The following XKR3 variants were observed in gnomAD, a reference collection of about 807,000 sequenced individuals.
XKR3 encodes XK-related protein 3.
XKR3 carries 27 observed loss-of-function variants against 40.3 expected under a neutral mutation model. The observed-to-expected ratio is 0.67, with a 90% CI of 0.49 to 0.92. The LOEUF (loss-of-function observed/expected upper bound fraction) is 0.92. Among genes scored for constraint, XKR3 ranks in the 40% least tolerant of loss-of-function variants. The pLI is 0.00. For synonymous variants in XKR3, 193 were observed against 195.4 expected, an observed-to-expected ratio of 0.99 and a Z score of 0.10; for missense variants, 472 against 537.6, an observed-to-expected ratio of 0.88 and a Z score of 1.21.
At chr22:16,787,120 T>A (rs2146139689) in intron 3 of XKR3, among the ~76,000 whole-genome samples, 1 of 151,360 alleles carries the variant, frequency 6.6e-6, no homozygotes, top group East Asian at 2.0e-4. Context: ...AAAATACAGT[T>A]GAGAGTATTG....
intron 2 of XKR3, among the ~76,000 whole-genome samples, chr22:16,806,740 C>T (rs2060191460): frequency 6.6e-6 from 1 of 152,060 alleles, no homozygotes; most frequent in African/African-American, 2.4e-5. Flanking sequence ...ACCCAACCTA[C>T]AGTTAAGTTT....
rs562782176 is a variant in XKR3, at chr22:16,802,571, C to A, written c.336-2547G>T. Among the ~76,000 whole-genome samples, 7 of 152,038 alleles carry A rather than the reference C, an allele frequency of 4.6e-5. No individual in the cohort carries two copies. The South Asian group carries it at 1.0e-3, about 23-fold the overall frequency. On this transcript the variant is annotated intron_variant, in intron 2 of 3. Transcript: ENST00000684488. The stretch of plus-strand genomic sequence containing the variant: ...GTGGCGTGATATTGGCTCACTGCAA[C>A]CTCTCCTTCCCAGGTTCATGTGATT...
At chr22:16,799,371 G>A (rs1245294926) in intron 3 of XKR3, among the ~76,000 whole-genome samples, 1 of 116,476 alleles carries the variant, frequency 8.6e-6, no homozygotes, top group Non-Finnish European at 1.7e-5. Flanking sequence ...CCGAGATCGG[G>A]CCACTGAACT....
At chr22:16,821,873 G>C (rs12484164) in intron 1 of XKR3, among the ~76,000 whole-genome samples, 29,763 of 151,978 alleles carry the variant, frequency 0.2, 3,601 homozygotes, top group Middle Eastern at 0.3. Context: ...CTATGCTATA[G>C]CTGTTACATG....
chr22:16,800,544 T>C (rs1405262823), intron 2 of XKR3, among the ~76,000 whole-genome samples: 4 of 152,182 alleles, frequency 2.6e-5, no homozygotes, highest in African/African-American at 9.7e-5. Flanking sequence ...TTTTCTCTAG[T>C]GATGAAATTT....
intron 1 of XKR3, among the ~76,000 whole-genome samples, chr22:16,808,869 T>G (rs1035477809): frequency 1.3e-5 from 2 of 152,186 alleles, no homozygotes; most frequent in Non-Finnish European, 2.9e-5. Flanking sequence ...TTAAATCAAG[T>G]AAATATTAAA....
intron 3 of XKR3, among the ~76,000 whole-genome samples, chr22:16,791,686 A>T (rs1370185802): frequency 2.0e-5 from 3 of 150,722 alleles, no homozygotes; most frequent in Non-Finnish European, 4.4e-5. Context: ...TAAAAAAAAA[A>T]TAGAGAAAGA....
intron 1 of XKR3, among the ~76,000 whole-genome samples, chr22:16,815,421 T>G (rs2060229078): frequency 6.6e-6 from 1 of 152,052 alleles, no homozygotes; most frequent in African/African-American, 2.4e-5. Context: ...TCTTCTACAA[T>G]CTTTCTCTAG....
intron 1 of XKR3, among the ~76,000 whole-genome samples, chr22:16,823,797 T>A (rs1484247031): frequency 3.4e-5 from 3 of 88,050 alleles, no homozygotes; most frequent in Non-Finnish European, 7.8e-5. Flanking sequence ...GGTACTCAAG[T>A]ACTAAAAGGT....
chr22:16,825,010 T>G (rs1384394794), intron 1 of XKR3, among the ~76,000 whole-genome samples: 1 of 152,244 alleles, frequency 6.6e-6, no homozygotes, highest in African/African-American at 2.4e-5. Flanking sequence ...TCTGCCCCTT[T>G]GAGATTTCAC....
chr22:16,824,884 A>C (rs1329538114), intron 1 of XKR3, among the ~76,000 whole-genome samples: 2 of 152,200 alleles, frequency 1.3e-5, no homozygotes. Context: ...AGAAAGTGAA[A>C]GTGAAGTCAC....
Position 16,784,177 on chromosome 22 carries a change from T to C in XKR3, c.822A>G (p.Val274=). Residue 274 remains valine (V), a synonymous_variant, in exon 4 of 4, where the codon GTA becomes GTG. Transcript: ENST00000684488. ...SLPVLLIIYF[V]SLLAPWLEFW... ...ACTCCAGCCACGGTGCCAACAATGA[T>C]ACAAAATATATGATTAACAAAACGG... The C allele has an allele frequency of 6.2e-7, 1 of 1,614,178 alleles. No individual in the cohort carries two copies. Among genetic ancestry groups the C allele is most frequent in the Non-Finnish European group, 8.5e-7 (1 of 1,180,046 alleles).
At chr22:16,789,448 T>G in intron 3 of XKR3, among the ~76,000 whole-genome samples, 1 of 152,096 alleles carries the variant, frequency 6.6e-6, no homozygotes, top group East Asian at 1.9e-4. Flanking sequence ...CAAAAAACCT[T>G]TAGAGTAAAT....
At chr22:16,789,501 G>A (rs1237979407) in intron 3 of XKR3, among the ~76,000 whole-genome samples, 3 of 152,188 alleles carry the variant, frequency 2.0e-5, no homozygotes, top group African/African-American at 4.8e-5. Flanking sequence ...TGAAAATTAT[G>A]AAGTATTAAT....
chr22:16,820,046 G>A (rs1320414891), intron 1 of XKR3, among the ~76,000 whole-genome samples: 1 of 152,172 alleles, frequency 6.6e-6, no homozygotes, highest in African/African-American at 2.4e-5. Flanking sequence ...AAATGCTGGT[G>A]AAGATGTAGA....
In XKR3 at chr22:16,804,353, T is replaced by C. The variant is rs528960396; in HGVS notation, c.335+3386A>G. 2.0e-5 allele frequency among the ~76,000 whole-genome samples: 3 copies of C among 152,318 alleles called. No individual in the cohort carries two copies. In the East Asian group the frequency reaches 5.8e-4, roughly 29 times the overall value. On this transcript the variant is annotated intron_variant, in intron 2 of 3. Coordinates refer to ENST00000684488, the MANE Select transcript of XKR3 (RefSeq NM_001386955.1). Reference sequence around the variant, plus strand: ...TGTGACTTACTTTCCAGTCTGACTCTGGCATAACAAAACAAAATAAAGAAG... The same window carrying C: ...TGTGACTTACTTTCCAGTCTGACTCCGGCATAACAAAACAAAATAAAGAAG...
rs148860180 is a variant in XKR3 at position 16,824,813 on chromosome 22, G to A, written c.-11+478C>T. ...TTCTGGAAAACACTTATGAAAATAT[G>A]CACATATGAAAAGGGCCACAGAGTT... On this transcript the variant is annotated intron_variant, in intron 1 of 3. Transcript: ENST00000684488. 2.4e-3 allele frequency among the ~76,000 whole-genome samples: 369 copies of A among 152,212 alleles called. 4 individuals are homozygous for A. The highest frequency in any genetic ancestry group is 8.0e-3 in the African/African-American group (333 of 41,534).
chr22:16,793,813 C>G (rs1200233273), intron 3 of XKR3, among the ~76,000 whole-genome samples: 1 of 152,046 alleles, frequency 6.6e-6, no homozygotes, highest in East Asian at 1.9e-4. Flanking sequence ...CAAAGAAATT[C>G]AAGAGCTGAA....
intron 1 of XKR3, among the ~76,000 whole-genome samples, chr22:16,814,628 T>G (rs1224127144): frequency 6.6e-6 from 1 of 152,204 alleles, no homozygotes; most frequent in Non-Finnish European, 1.5e-5. Context: ...TTATTTCAAT[T>G]TTCTTTAATG....
Sources: allele counts gnomAD v4.1 joint callset (sites outside exome capture counted in the v4.1 genomes callset), GRCh38; gene constraint gnomAD v4.1.1; transcripts MANE v1.5; gene names NCBI Gene and HGNC (gene_info 2026-07-23, HGNC 2026-07-21).